Variants in ZNF33B observed in about 807,000 individuals in gnomAD.
ZNF33B encodes zinc finger protein 11b (KOX 2).
In ZNF33B, 29 loss-of-function variants were observed where a neutral mutation model predicts 45.8. The ratio of observed to expected loss-of-function variants is 0.63; its 90% CI spans 0.47 to 0.86. The LOEUF (loss-of-function observed/expected upper bound fraction) is 0.86, where lower values mean the gene tolerates loss of function less well. ZNF33B is among the 40% of genes least tolerant of loss of function. The pLI is 0.00. For synonymous variants in ZNF33B, 305 were observed against 307.8 expected (o/e 0.99, Z 0.10); for missense variants, 831 against 909.9 (o/e 0.91, Z 1.12).
downstream of ZNF33B, chr10:42,589,048 A>T (rs1836995457): frequency 3.6e-6 from 1 of 279,626 alleles, no homozygotes; most frequent in Non-Finnish European, 5.4e-6. Context: ...TTACAGGTTC[A>T]GTCAGAAACA....
At chr10:42,631,847 T>C in intron 4 of ZNF33B, 82 bp downstream of exon 4, 1 of 1,190,210 alleles carries the variant, frequency 8.4e-7, no homozygotes, top group East Asian at 2.3e-5. Context: ...TGAAAAATGT[T>C]CCAAAGTTGC....
intron 1 of ZNF33B, among the ~76,000 whole-genome samples, chr10:42,575,123 T>C (rs907499464): frequency 2.0e-5 from 3 of 152,236 alleles, no homozygotes; most frequent in Admixed American, 6.5e-5. Flanking sequence ...TGGTCTTACA[T>C]TGACAAGGTC....
intron 1 of ZNF33B, 118 bp from the exon 2 acceptor site, chr10:42,637,090 A>G: frequency 1.1e-6 from 1 of 914,512 alleles, no homozygotes; most frequent in Non-Finnish European, 1.7e-6. Flanking sequence ...GTCTGGGAGA[A>G]TATCAATGTC....
At chr10:42,634,270 G>C (rs372986913) in intron 2 of ZNF33B, among the ~76,000 whole-genome samples, 1 of 152,056 alleles carries the variant, frequency 6.6e-6, no homozygotes, top group East Asian at 1.9e-4. Context: ...AGCCAGGCGT[G>C]GGGGCAGGTG....
chr10:42,629,881 T>G (rs1018549923), intron 4 of ZNF33B, among the ~76,000 whole-genome samples: 1 of 152,202 alleles, frequency 6.6e-6, no homozygotes, highest in African/African-American at 2.4e-5. Context: ...ATGTAAGTTA[T>G]CACAGTCTAT....
chr10:42,635,962 C>T (rs1313862251), intron 2 of ZNF33B, among the ~76,000 whole-genome samples: 2 of 151,904 alleles, frequency 1.3e-5, no homozygotes, highest in Non-Finnish European at 2.9e-5. Flanking sequence ...AACCCCGTCT[C>T]TACTAAATCT....
Position 42,592,548 on chromosome 10 carries a change from C to A in ZNF33B, c.*65G>T. ...TTCAGGATGTCAACAGGCCCTTCTC[C>A]ACAGTGTGAAGACTCTGAGGCATTA... is the stretch of plus-strand genomic sequence containing the variant. On this transcript the variant is annotated 3_prime_UTR_variant, in exon 5 of 5. Transcript: ENST00000359467. 1 of 1,548,128 alleles carries A rather than the reference C, an allele frequency of 6.5e-7. No homozygotes were observed. The highest frequency in any genetic ancestry group is 1.3e-5 in the South Asian group (1 of 78,746).
intron 1 of ZNF33B, chr10:42,574,802 T>C (rs1368888638): frequency 6.6e-6 from 1 of 152,048 alleles, no homozygotes; most frequent in Non-Finnish European, 1.5e-5. Flanking sequence ...AAATCAAAGT[T>C]CCCCAAAACT....
chr10:42,579,528 T>C (rs1161033328), intron 1 of ZNF33B, among the ~76,000 whole-genome samples: 3 of 152,152 alleles, frequency 2.0e-5, no homozygotes, highest in African/African-American at 7.2e-5. Context: ...CCCTTTCTAA[T>C]CTGTGCAATG....
chr10:42,605,893 C>T lies in ZNF33B; in HGVS notation c.251-11194G>A, dbSNP rs528799869. ...GGAGAATCACTTAAACCCAGGAGTT[C>T]AAGATCAGCTTAGGCAACATACTGA... On this transcript the variant is annotated intron_variant, in intron 4 of 4. Coordinates refer to ENST00000359467, the MANE Select transcript of ZNF33B (RefSeq NM_006955.3). 2.0e-5 allele frequency among the ~76,000 whole-genome samples: 3 copies of T among 152,006 alleles called. No homozygotes were observed. In the South Asian group the frequency reaches 6.2e-4, roughly 32 times the overall value.
chr10:42,623,584 A>C (rs1439228052), intron 4 of ZNF33B, among the ~76,000 whole-genome samples: 1 of 152,230 alleles, frequency 6.6e-6, no homozygotes, highest in African/African-American at 2.4e-5. Context: ...ACAAAAGGCC[A>C]AATGTTGTCA....
intron 4 of ZNF33B, among the ~76,000 whole-genome samples, chr10:42,619,226 C>T (rs938095425): frequency 2.0e-5 from 3 of 152,066 alleles, no homozygotes; most frequent in East Asian, 1.9e-4. Flanking sequence ...AGGAAAAAGG[C>T]GACTTCAAAT....
At chr10:42,623,896 A>C (rs1378324344) in intron 4 of ZNF33B, among the ~76,000 whole-genome samples, 1 of 152,232 alleles carries the variant, frequency 6.6e-6, no homozygotes, top group African/African-American at 2.4e-5. Context: ...TGAATACCTG[A>C]CTGAATTTCT....
chr10:42,583,788 C>A (rs917471335), intron 1 of ZNF33B, among the ~76,000 whole-genome samples: 1 of 152,120 alleles, frequency 6.6e-6, no homozygotes, highest in Non-Finnish European at 1.5e-5. Context: ...AGATAAAGCC[C>A]AACAGATGTC....
At chr10:42,582,185 T>C (rs1836840441) in intron 1 of ZNF33B, 1 of 152,188 alleles carries the variant, frequency 6.6e-6, no homozygotes. Context: ...CAGGGTTTGA[T>C]TATGACAGTC....
intron 2 of ZNF33B, among the ~76,000 whole-genome samples, chr10:42,633,540 A>G (rs1363648014): frequency 6.6e-6 from 1 of 152,244 alleles, no homozygotes; most frequent in African/African-American, 2.4e-5. Context: ...CTAATTCATT[A>G]AGAAAAAAAA....
downstream of ZNF33B, among the ~76,000 whole-genome samples, chr10:42,585,823 CTTCCA>C (rs1250352044): frequency 1.4e-4 from 21 of 152,326 alleles, no homozygotes; most frequent in East Asian, 1.7e-3. Flanking sequence ...TGTCTCCTCT[CTTCCA>C]TTCAAGTGGT....
intron 4 of ZNF33B, among the ~76,000 whole-genome samples, chr10:42,624,177 GA>G (rs1838705266): frequency 6.6e-6 from 1 of 152,094 alleles, no homozygotes; most frequent in African/African-American, 2.4e-5. Flanking sequence ...ACCTCATCGT[GA>G]GGGCCCCACC....
At chr10:42,576,242 G>A (rs1293984907) in intron 1 of ZNF33B, among the ~76,000 whole-genome samples, 2 of 152,126 alleles carry the variant, frequency 1.3e-5, no homozygotes, top group East Asian at 3.9e-4. Context: ...GCCCGCCTCA[G>A]CCTCCCAAAA....
Sources: allele counts gnomAD v4.1 joint callset (sites outside exome capture counted in the v4.1 genomes callset), GRCh38; gene constraint gnomAD v4.1.1; transcripts MANE v1.5; gene names NCBI Gene and HGNC (gene_info 2026-07-23, HGNC 2026-07-21).